The following SNCAIP variants were observed in gnomAD, a reference collection of about 807,000 sequenced individuals.
SNCAIP encodes the protein synphilin-1.
A neutral mutation model predicts 86.7 loss-of-function variants in SNCAIP; 43 were observed. The observed-to-expected ratio is 0.50, with a 90% CI of 0.39 to 0.64. The LOEUF (loss-of-function observed/expected upper bound fraction) is 0.64. SNCAIP is among the 30% of genes least tolerant of loss of function. The pLI is 0.00. For synonymous variants in SNCAIP, 417 were observed against 427.2 expected, an observed-to-expected ratio of 0.98 and a Z score of 0.29; for missense variants, 981 against 1,103.1, an observed-to-expected ratio of 0.89 and a Z score of 1.57.
intron 2 of SNCAIP, among the ~76,000 whole-genome samples, chr5:122,397,453 A>G (rs1010549253): frequency 1.3e-5 from 2 of 152,198 alleles, no homozygotes; most frequent in Non-Finnish European, 2.9e-5. Context: ...AATGATCAAA[A>G]GAGTTACTGA....
At chr5:122,357,586 C>T (rs188086507) in intron 1 of SNCAIP, among the ~76,000 whole-genome samples, 1 of 151,954 alleles carries the variant, frequency 6.6e-6, no homozygotes, top group East Asian at 1.9e-4. Context: ...TAAAAGGACC[C>T]ACCCTTCTCC....
chr5:122,404,780 T>A (rs1345910246), intron 3 of SNCAIP, among the ~76,000 whole-genome samples: 2 of 152,172 alleles, frequency 1.3e-5, no homozygotes, highest in Non-Finnish European at 2.9e-5. Context: ...TGGAAAGGAT[T>A]TTTTACAAAG....
chr5:122,438,717 G>A (rs1055462494), intron 6 of SNCAIP, among the ~76,000 whole-genome samples: 1 of 152,186 alleles, frequency 6.6e-6, no homozygotes, highest in Admixed American at 6.5e-5. Flanking sequence ...ATGAGGACTT[G>A]CTGTATATCA....
chr5:122,419,811 A>C lies in SNCAIP; in HGVS notation c.131-3057A>C, dbSNP rs75854466. ...GGTAAGAAATTTATTATTATATTGC[A>C]ATAAAATAAAAGTATGAGTGAAATT... On this transcript the variant is annotated intron_variant, in intron 3 of 10. Coordinates refer to ENST00000261368, the MANE Select transcript of SNCAIP (RefSeq NM_005460.4). 7.2e-4 allele frequency among the ~76,000 whole-genome samples: 110 copies of C among 152,360 alleles called. 1 individual carries two copies. The East Asian group carries it at 0.02, about 28-fold the overall frequency.
intron 2 of SNCAIP, among the ~76,000 whole-genome samples, chr5:122,397,187 A>AGTCTG (rs1180868481): frequency 6.6e-6 from 1 of 152,136 alleles, no homozygotes; most frequent in Admixed American, 6.6e-5. Flanking sequence ...TAATGCAGGT[A>AGTCTG]GTCTGACTCT....
intron 1 of SNCAIP, among the ~76,000 whole-genome samples, chr5:122,372,774 G>A (rs750116614): frequency 6.6e-6 from 1 of 151,890 alleles, no homozygotes; most frequent in South Asian, 2.1e-4. Flanking sequence ...TGTTTATAAA[G>A]ATGTCTTCTT....
chr5:122,329,651 G>A (rs1175069747), intron 1 of SNCAIP, among the ~76,000 whole-genome samples: 2 of 152,154 alleles, frequency 1.3e-5, no homozygotes, highest in Non-Finnish European at 2.9e-5. Flanking sequence ...GGTGCAAAAA[G>A]CTTATTAAGA....
chr5:122,446,959 G>A (rs373172471), intron 8 of SNCAIP, among the ~76,000 whole-genome samples: 8 of 152,212 alleles, frequency 5.3e-5, no homozygotes, highest in Admixed American at 1.3e-4. Flanking sequence ...CATCAAAAAA[G>A]TATGTTAGAT....
At chr5:122,392,444 G>A (rs1314008228) in intron 2 of SNCAIP, among the ~76,000 whole-genome samples, 1 of 151,826 alleles carries the variant, frequency 6.6e-6, no homozygotes, top group East Asian at 1.9e-4. Flanking sequence ...CTCTCTCTAA[G>A]TCACTATGCT....
chr5:122,340,450 G>C (rs1174219169), intron 1 of SNCAIP, among the ~76,000 whole-genome samples: 1 of 152,060 alleles, frequency 6.6e-6, no homozygotes, highest in African/African-American at 2.4e-5. Context: ...AAGTAGAAGA[G>C]AGTGAAAAAA....
chr5:122,318,430 A>C (rs1752250346), intron 1 of SNCAIP, among the ~76,000 whole-genome samples: 1 of 152,072 alleles, frequency 6.6e-6, no homozygotes, highest in Non-Finnish European at 1.5e-5. Context: ...CTGTAGACTA[A>C]ATGTCTTGAG....
At chr5:122,383,362 G>T (rs9717206) in intron 1 of SNCAIP, 3,262 of 152,980 alleles carry the variant, frequency 0.021, 110 homozygotes, top group African/African-American at 0.074. Context: ...GACCCCTTGC[G>T]CTTCCCAAGT....
intron 10 of SNCAIP, among the ~76,000 whole-genome samples, chr5:122,454,865 G>A (rs777178470): frequency 1.3e-5 from 2 of 152,136 alleles, no homozygotes; most frequent in African/African-American, 2.4e-5. Context: ...ATAAGAAAGG[G>A]AACAAAGCTG....
intron 3 of SNCAIP, among the ~76,000 whole-genome samples, chr5:122,412,706 A>G (rs908581701): frequency 2.6e-5 from 4 of 152,122 alleles, no homozygotes; most frequent in African/African-American, 7.2e-5. Context: ...CCAGCCTCCT[A>G]TTTAATGGCC....
intron 1 of SNCAIP, among the ~76,000 whole-genome samples, chr5:122,355,405 A>G (rs1369213493): frequency 6.6e-6 from 1 of 152,152 alleles, no homozygotes; most frequent in Non-Finnish European, 1.5e-5. Flanking sequence ...TCCTATGCCA[A>G]TGTTGGTACA....
intron 3 of SNCAIP, among the ~76,000 whole-genome samples, chr5:122,416,492 TCA>T (rs888084190): frequency 6.8e-4 from 103 of 152,298 alleles, no homozygotes; most frequent in African/African-American, 2.2e-3. Flanking sequence ...CACTCATTCC[TCA>T]CACACACTTT....
intron 6 of SNCAIP, among the ~76,000 whole-genome samples, chr5:122,440,052 C>A (rs1780484088): frequency 6.6e-6 from 1 of 152,146 alleles, no homozygotes; most frequent in Non-Finnish European, 1.5e-5. Context: ...CAAGAGGGTC[C>A]TGGTTTTATT....
intron 1 of SNCAIP, among the ~76,000 whole-genome samples, chr5:122,368,868 CA>C (rs980968412): frequency 6.6e-6 from 1 of 152,178 alleles, no homozygotes; most frequent in Non-Finnish European, 1.5e-5. Flanking sequence ...ATCACTGCCT[CA>C]GAGAGAATTG....
At chr5:122,366,237 C>T (rs1337342034) in intron 1 of SNCAIP, among the ~76,000 whole-genome samples, 2 of 152,186 alleles carry the variant, frequency 1.3e-5, no homozygotes, top group Non-Finnish European at 2.9e-5. Context: ...GGGAAAAGGT[C>T]TATTACCACC....
Sources: gnomAD v4.1 joint callset for allele counts (sites outside exome capture counted in the v4.1 genomes callset) on GRCh38, gnomAD v4.1.1 for gene constraint, MANE v1.5 for transcripts, NCBI Gene and HGNC (gene_info 2026-07-23, HGNC 2026-07-21) for gene names.